RARB: variants seen among roughly 807,000 people sequenced by gnomAD.
RARB encodes the protein HBV-activated protein.
A neutral mutation model predicts 51.9 loss-of-function variants in RARB; 17 were observed. The ratio of observed to expected loss-of-function variants is 0.33; its 90% CI spans 0.22 to 0.49. RARB has a LOEUF of 0.49. RARB is among the 20% of genes least tolerant of loss of function. The probability of loss-of-function intolerance (pLI) is 0.99; values close to 1 mark genes in which losing one functional copy is unlikely to be tolerated. For synonymous variants in RARB, 215 were observed against 195.4 expected, an observed-to-expected ratio of 1.10 and a Z score of -0.84; for missense variants, 369 against 550.8, an observed-to-expected ratio of 0.67 and a Z score of 3.30.
intron 2 of RARB, among the ~76,000 whole-genome samples, chr3:25,004,005 A>C (rs1697218947): frequency 2.0e-5 from 3 of 152,276 alleles, no homozygotes; most frequent in South Asian, 4.1e-4. Context: ...GATAACAAAT[A>C]AACTCCAGAT....
intron 2 of RARB, among the ~76,000 whole-genome samples, chr3:24,953,126 A>G (rs1309214774): frequency 2.6e-5 from 4 of 152,178 alleles, no homozygotes; most frequent in African/African-American, 4.8e-5. Context: ...ATATAGATGC[A>G]CGTAGATAAA....
chr3:25,006,599 T>A (rs531048728), intron 2 of RARB, among the ~76,000 whole-genome samples: 37 of 152,294 alleles, frequency 2.4e-4, no homozygotes, highest in African/African-American at 8.4e-4. Context: ...TTGTTTCTAT[T>A]TTTAAAGTGG....
upstream of RARB, chr3:25,428,212 T>A: frequency 4.1e-6 from 5 of 1,226,522 alleles, no homozygotes; most frequent in Non-Finnish European, 5.1e-6. Context: ...CCGGGTAGGG[T>A]TCACCGAAAG....
intron 3 of RARB, among the ~76,000 whole-genome samples, chr3:25,069,740 G>T (rs1488585324): frequency 6.6e-6 from 1 of 152,222 alleles, no homozygotes; most frequent in African/African-American, 2.4e-5. Flanking sequence ...TGAATGAGCA[G>T]TCTTTTTGCT....
intron 2 of RARB, among the ~76,000 whole-genome samples, chr3:25,492,415 G>A (rs1696785985): frequency 6.6e-6 from 1 of 152,194 alleles, no homozygotes; most frequent in Admixed American, 6.5e-5. Context: ...ATTGTGAACT[G>A]AATACATTGG....
chr3:25,207,266 C>T (rs1395177794), intron 5 of RARB, among the ~76,000 whole-genome samples: 2 of 151,960 alleles, frequency 1.3e-5, no homozygotes, highest in Non-Finnish European at 2.9e-5. Context: ...CTGAGAAAAT[C>T]TCTGTGATCC....
At chr3:24,941,672 A>T (rs999917803) in intron 2 of RARB, among the ~76,000 whole-genome samples, 1 of 152,178 alleles carries the variant, frequency 6.6e-6, no homozygotes, top group Non-Finnish European at 1.5e-5. Flanking sequence ...CCCAGATAAA[A>T]GGCAGTCTTT....
rs527396297 is a variant in RARB, at chr3:24,935,712, C to A, written c.-380+76960C>A. Reference sequence around the variant, plus strand: ...GTGGAGTGTTTTCAAGTAGGCCTGGCAGGATGAGAAAATCTTGTTAAAATT... The same window carrying A: ...GTGGAGTGTTTTCAAGTAGGCCTGGAAGGATGAGAAAATCTTGTTAAAATT... On this transcript the variant is annotated intron_variant, in intron 2 of 11. Coordinates refer to the RARB transcript ENST00000383772. 4.6e-5 allele frequency among the ~76,000 whole-genome samples: 7 copies of A among 152,204 alleles called. No individual in the cohort carries two copies. In the South Asian group the frequency reaches 1.5e-3, roughly 32 times the overall value.
intron 4 of RARB, among the ~76,000 whole-genome samples, chr3:25,152,978 C>A (rs1310527821): frequency 2.0e-5 from 3 of 152,024 alleles, no homozygotes; most frequent in Non-Finnish European, 4.4e-5. Flanking sequence ...AGAACCATGA[C>A]AAACAGTTTG....
At chr3:25,509,051 G>A (rs2125617579) in intron 3 of RARB, among the ~76,000 whole-genome samples, 1 of 152,132 alleles carries the variant, frequency 6.6e-6, no homozygotes, top group Admixed American at 6.5e-5. Context: ...CCTGGAGAGG[G>A]GACACTCAGT....
chr3:25,079,917 GA>G (rs1244512625), intron 3 of RARB, among the ~76,000 whole-genome samples: 1 of 152,132 alleles, frequency 6.6e-6, no homozygotes, highest in Non-Finnish European at 1.5e-5. Context: ...TCTATTTTCT[GA>G]AAGAGTGTGT....
intron 3 of RARB, among the ~76,000 whole-genome samples, chr3:25,132,022 AT>A: frequency 6.6e-6 from 1 of 151,994 alleles, no homozygotes; most frequent in South Asian, 2.1e-4. Context: ...GTGTGGCTCC[AT>A]TGAGAGTCAA....
intron 2 of RARB, among the ~76,000 whole-genome samples, chr3:24,945,979 T>C (rs900729153): frequency 6.6e-6 from 1 of 152,184 alleles, no homozygotes; most frequent in African/African-American, 2.4e-5. Context: ...TACTTAAGAA[T>C]CGCTGGCCAG....
At chr3:24,913,967 T>TC (rs756817080) in intron 2 of RARB, among the ~76,000 whole-genome samples, 2 of 152,236 alleles carry the variant, frequency 1.3e-5, no homozygotes, top group Non-Finnish European at 2.9e-5. Context: ...TCTGGCTTTT[T>TC]CTCTATGCGA....
chr3:25,472,694 C>T, intron 2 of RARB, among the ~76,000 whole-genome samples: 1 of 152,160 alleles, frequency 6.6e-6, no homozygotes, highest in East Asian at 1.9e-4. Context: ...CTGTAAGGTT[C>T]CCTGAAATTT....
chr3:24,908,688 T>TTTTA (rs1553613049), intron 2 of RARB, among the ~76,000 whole-genome samples: 17 of 131,414 alleles, frequency 1.3e-4, no homozygotes, highest in Non-Finnish European at 1.9e-4. Flanking sequence ...TTTTTTTTTT[T>TTTTA]ACTAACCTAC....
intron 4 of RARB, among the ~76,000 whole-genome samples, chr3:25,158,093 A>G (rs4258924): frequency 0.74 from 113,091 of 152,094 alleles, 42,222 homozygotes; most frequent in Admixed American, 0.79. Flanking sequence ...ATAATTTCCG[A>G]CCCAAACACA....
intron 4 of RARB, among the ~76,000 whole-genome samples, chr3:25,160,597 T>C (rs576792971): frequency 8.5e-5 from 13 of 152,374 alleles, no homozygotes; most frequent in African/African-American, 3.1e-4. Context: ...TTGTGGCTCA[T>C]GCTCTTGATT....
At chr3:25,324,122 C>T (rs1293985481) in intron 5 of RARB, 1 of 152,250 alleles carries the variant, frequency 6.6e-6, no homozygotes, top group Non-Finnish European at 1.5e-5. Context: ...AGTCAGATCT[C>T]CTCCTCTCTG....
Sources: allele counts gnomAD v4.1 joint callset (sites outside exome capture counted in the v4.1 genomes callset), GRCh38; gene constraint gnomAD v4.1.1; transcripts MANE v1.5; gene names NCBI Gene and HGNC (gene_info 2026-07-23, HGNC 2026-07-21).